PKHD1: variants seen among roughly 807,000 people sequenced by gnomAD.
PKHD1 encodes PKHD1 ciliary IPT domain containing fibrocystin/polyductin.
In PKHD1, 291 loss-of-function variants were observed where a neutral mutation model predicts 412.0. The ratio of observed to expected loss-of-function variants is 0.71; its 90% CI spans 0.64 to 0.78. The LOEUF (loss-of-function observed/expected upper bound fraction) is 0.78, where lower values mean the gene tolerates loss of function less well. Ranked by LOEUF, PKHD1 falls within the 30% of genes least tolerant of loss-of-function variation. The pLI is 0.00. For synonymous variants in PKHD1, 1,777 were observed against 1,821.5 expected, an observed-to-expected ratio of 0.98 and a Z score of 0.62; for missense variants, 4,825 against 4,950.7, an observed-to-expected ratio of 0.97 and a Z score of 0.76.
At chr6:52,047,779 C>A (rs9370095) in intron 23 of PKHD1, among the ~76,000 whole-genome samples, 62,573 of 152,044 alleles carry the variant, frequency 0.41, 14,951 homozygotes, top group Admixed American at 0.57. Flanking sequence ...GACCTTTTGG[C>A]AAGCTTCAGT....
chr6:52,051,179 C>T (rs12665571), intron 21 of PKHD1, among the ~76,000 whole-genome samples: 1,871 of 152,258 alleles, frequency 0.012, 23 homozygotes, highest in South Asian at 0.021. Context: ...TCCACAGCTC[C>T]GCTGTGTGAA....
chr6:52,015,876 G>A (rs1234158800), intron 34 of PKHD1, among the ~76,000 whole-genome samples: 1 of 152,088 alleles, frequency 6.6e-6, no homozygotes, highest in Non-Finnish European at 1.5e-5. Flanking sequence ...GCAATAGCCA[G>A]AACATTGAGC....
chr6:51,871,686 CTT>C (rs1381041586), intron 46 of PKHD1, among the ~76,000 whole-genome samples: 2 of 118,736 alleles, frequency 1.7e-5, no homozygotes, highest in African/African-American at 2.7e-5. Flanking sequence ...ATTTTAAAAA[CTT>C]TAACAAAAAG....
At chr6:51,671,514 T>C (rs1252939072) in intron 60 of PKHD1, among the ~76,000 whole-genome samples, 1 of 152,158 alleles carries the variant, frequency 6.6e-6, no homozygotes, top group Non-Finnish European at 1.5e-5. Context: ...TAGCTTGGAG[T>C]AATTTGATCG....
intron 28 of PKHD1, among the ~76,000 whole-genome samples, chr6:52,034,934 T>C (rs768542542): frequency 6.6e-6 from 1 of 152,150 alleles, no homozygotes; most frequent in South Asian, 2.1e-4. Flanking sequence ...GTCATGGGTG[T>C]GCTAGGAATG....
At chr6:52,053,772 G>A (rs1207210790) in intron 20 of PKHD1, among the ~76,000 whole-genome samples, 1 of 152,194 alleles carries the variant, frequency 6.6e-6, no homozygotes, top group Non-Finnish European at 1.5e-5. Context: ...GTCAAAGAAT[G>A]TTCTCTAAGG....
At chr6:51,962,990 A>C (rs367729879) in intron 35 of PKHD1, among the ~76,000 whole-genome samples, 5 of 152,252 alleles carry the variant, frequency 3.3e-5, no homozygotes, top group African/African-American at 1.2e-4. Context: ...GTAGTTGCTC[A>C]ATAAATGTTT....
intron 43 of PKHD1, among the ~76,000 whole-genome samples, chr6:51,902,719 G>A (rs1781475361): frequency 1.3e-5 from 2 of 152,106 alleles, no homozygotes; most frequent in South Asian, 4.1e-4. Flanking sequence ...AATTAGAAAA[G>A]GGGAAATGAA....
At chr6:51,758,043 AGAGAGAG>A (rs2151039995) in intron 55 of PKHD1, among the ~76,000 whole-genome samples, 1 of 151,340 alleles carries the variant, frequency 6.6e-6, no homozygotes, top group Non-Finnish European at 1.5e-5. Flanking sequence ...AGAGAGAGAG[AGAGAGAG>A]AGAAAACAAA....
intron 43 of PKHD1, among the ~76,000 whole-genome samples, chr6:51,889,467 C>T (rs1258460937): frequency 1.3e-5 from 2 of 152,112 alleles, no homozygotes; most frequent in African/African-American, 4.8e-5. Flanking sequence ...ACACAGAATG[C>T]CCAGTGAAAT....
Position 51,723,734 on chromosome 6 carries a change from G to A in PKHD1, c.10156+20651C>T, listed in dbSNP as rs189413063. ...CCATCTCTCTCAAAAGGAGAAAGGC[G>A]AAAGAAAACATCTTAAATCACCAGG... On this transcript the variant is annotated intron_variant, in intron 60 of 66. Transcript: ENST00000371117. Among the ~76,000 whole-genome samples, 102 of 152,238 alleles carry A rather than the reference G, an allele frequency of 6.7e-4. 1 individual carries two copies. In the East Asian group the frequency reaches 0.017, roughly 25 times the overall value.
At chr6:52,043,339 A>G (rs1032628702) in intron 26 of PKHD1, among the ~76,000 whole-genome samples, 1 of 152,216 alleles carries the variant, frequency 6.6e-6, no homozygotes, top group African/African-American at 2.4e-5. Flanking sequence ...TTCTCTAACT[A>G]GTGAGAAGTG....
intron 59 of PKHD1, among the ~76,000 whole-genome samples, chr6:51,746,235 G>A (rs1408898620): frequency 6.6e-6 from 1 of 152,100 alleles, no homozygotes; most frequent in Admixed American, 6.5e-5. Context: ...CCTGTCAGCA[G>A]ACACAATCTC....
At chr6:51,721,860 A>C in intron 60 of PKHD1, 2 of 1,551,636 alleles carry the variant, frequency 1.3e-6, no homozygotes, top group Non-Finnish European at 1.7e-6. Flanking sequence ...ATTTCTTCTC[A>C]ATTTGAACAA....
chr6:52,014,033 T>C (rs62406013), intron 34 of PKHD1, among the ~76,000 whole-genome samples: 9,016 of 152,274 alleles, frequency 0.059, 312 homozygotes, highest in East Asian at 0.11. Context: ...GGCTTGACTG[T>C]GTGACTTTGG....
At chr6:51,773,755 A>G (rs1790535423) in intron 54 of PKHD1, among the ~76,000 whole-genome samples, 2 of 151,500 alleles carry the variant, frequency 1.3e-5, no homozygotes, top group African/African-American at 4.8e-5. Context: ...CCACTAAGGT[A>G]CAAATAATAT....
chr6:51,752,813 C>T (rs183954269), intron 57 of PKHD1, among the ~76,000 whole-genome samples: 153 of 152,246 alleles, frequency 1.0e-3, no homozygotes, highest in Admixed American at 2.7e-3. Flanking sequence ...TTTAAATTTA[C>T]GCTATTAATT....
At chr6:52,042,187 C>T (rs867951172) in intron 27 of PKHD1, among the ~76,000 whole-genome samples, 3 of 152,114 alleles carry the variant, frequency 2.0e-5, no homozygotes, top group Non-Finnish European at 4.4e-5. Context: ...ATAATTCACT[C>T]TTCTAGGCAA....
rs1312020303 is a variant in PKHD1, at chr6:51,804,366, GGGGGGGGC to G, written c.8303-13001_8303-12994del. ...AGAGAAATACTAATTCATTGGGGGGGGGGGGGGCGGTAACAGGAGAAATTAAGCGAAAT... is the reference window on the plus strand; with the variant it reads ...AGAGAAATACTAATTCATTGGGGGGGGGTAACAGGAGAAATTAAGCGAAAT... On this transcript the variant is annotated intron_variant, in intron 52 of 66. Transcript: ENST00000371117. Among the ~76,000 whole-genome samples, 5 of 103,558 alleles carry G rather than the reference GGGGGGGGC, an allele frequency of 4.8e-5. 2 individuals are homozygous for G. The highest frequency in any genetic ancestry group is 2.9e-4 in the Admixed American group (3 of 10,240). The allele number at this position is 103,558 out of a possible 152,430, so 67.9% of individuals were successfully genotyped here.
Sources: allele counts gnomAD v4.1 joint callset (sites outside exome capture counted in the v4.1 genomes callset), GRCh38; gene constraint gnomAD v4.1.1; transcripts MANE v1.5; gene names NCBI Gene and HGNC (gene_info 2026-07-23, HGNC 2026-07-21).